NSD2: variants seen among roughly 807,000 people sequenced by gnomAD.
The protein encoded by NSD2 is histone-lysine N-methyltransferase NSD2.
In NSD2, 12 loss-of-function variants were observed where a neutral mutation model predicts 139.0. The observed-to-expected ratio is 0.09, with a 90% CI of 0.06 to 0.14. The LOEUF is 0.14. Among genes scored for constraint, NSD2 ranks in the 10% least tolerant of loss-of-function variants. NSD2 has a pLI of 1.00. For synonymous variants in NSD2, 669 were observed against 648.7 expected, an observed-to-expected ratio of 1.03 and a Z score of -0.48; for missense variants, 1,155 against 1,745.0, an observed-to-expected ratio of 0.66 and a Z score of 6.02.
Position 1,976,099 on chromosome 4 carries a change from G to A in NSD2, c.3622-376G>A, listed in dbSNP as rs1486452617. Among the ~76,000 whole-genome samples the A allele has an allele frequency of 1.3e-5, 2 of 152,172 alleles. No individual in the cohort carries two copies. Among genetic ancestry groups the A allele is most frequent in the Non-Finnish European group, 2.9e-5 (2 of 68,030 alleles). On this transcript the variant is annotated intron_variant, in intron 20 of 21. Transcript: ENST00000508803. The surrounding 1 kb of genome is among the most constrained non-coding windows in gnomAD (Gnocchi z 5.3). ...GTCACTGCCGCCCACCTGTGCCCAC[G>A]TTCCTGTGGAATTTCCTAATGAGGA...
rs982202916 is a variant in NSD2, at chr4:1,976,350, C to T, written c.3622-125C>T. The T allele has an allele frequency of 2.6e-5, 27 of 1,034,062 alleles. No homozygotes were observed. The highest frequency in any genetic ancestry group is 3.3e-5 in the Non-Finnish European group (23 of 700,222). 64.1% of individuals were successfully genotyped at this position (1,034,062 alleles called of 1,614,324 possible). On this transcript the variant is annotated intron_variant, in intron 20 of 21. Transcript: ENST00000508803. The surrounding 1 kb of genome is among the most constrained non-coding windows in gnomAD (Gnocchi z 5.3). Reference sequence around the variant, plus strand: ...AGCACGAGGAGGACACTCCTCTCCTCTCCTCTTAGTGTTGGGCACCTGCAG... The same window carrying T: ...AGCACGAGGAGGACACTCCTCTCCTTTCCTCTTAGTGTTGGGCACCTGCAG...
At chr4:1,928,045 A>G (rs891649512) in intron 5 of NSD2, among the ~76,000 whole-genome samples, 3 of 151,220 alleles carry the variant, frequency 2.0e-5, no homozygotes, top group Non-Finnish European at 4.4e-5. Flanking sequence ...ACTTGCCACC[A>G]TACCCAACTA....
At chr4:1,932,928 C>T (rs887891305) in intron 6 of NSD2, among the ~76,000 whole-genome samples, 1 of 152,200 alleles carries the variant, frequency 6.6e-6, no homozygotes, top group African/African-American at 2.4e-5. Context: ...TGCTCACGAA[C>T]GGGTGTTCTG....
chr4:1,906,443 G>A (rs1036424784), intron 3 of NSD2, among the ~76,000 whole-genome samples: 1 of 151,372 alleles, frequency 6.6e-6, no homozygotes, highest in African/African-American at 2.4e-5. Context: ...GTTTCACCAT[G>A]TTGCCCAGTT....
intron 3 of NSD2, among the ~76,000 whole-genome samples, chr4:1,907,330 T>C (rs1718054481): frequency 6.6e-6 from 1 of 152,200 alleles, no homozygotes; most frequent in Admixed American, 6.5e-5. Context: ...ACCTTCATGT[T>C]TGACCAGTTA....
At chr4:1,895,245 A>G (rs1265821048) in intron 1 of NSD2, among the ~76,000 whole-genome samples, 2 of 152,148 alleles carry the variant, frequency 1.3e-5, no homozygotes, top group African/African-American at 2.4e-5. Context: ...TGGTTGTACA[A>G]ATATCTTCTG....
intron 1 of NSD2, among the ~76,000 whole-genome samples, chr4:1,872,363 A>G (rs1713854337): frequency 6.6e-6 from 1 of 152,200 alleles, no homozygotes; most frequent in Non-Finnish European, 1.5e-5. Context: ...CTCCACTCAC[A>G]GGAACCGTGG....
At chr4:1,960,145 C>G (rs990935070) in intron 17 of NSD2, among the ~76,000 whole-genome samples, 4 of 152,218 alleles carry the variant, frequency 2.6e-5, no homozygotes, top group Non-Finnish European at 5.9e-5. Flanking sequence ...AGGCAAGAGC[C>G]TCTGTGCCTG....
chr4:1,968,771 T>C (rs575137846), intron 18 of NSD2, among the ~76,000 whole-genome samples: 5 of 152,250 alleles, frequency 3.3e-5, no homozygotes, highest in African/African-American at 9.6e-5. Flanking sequence ...TTTGTAGTTA[T>C]TGGGGTGGAG....
intron 1 of NSD2, chr4:1,899,452 G>A (rs993567461): frequency 2.6e-5 from 4 of 152,230 alleles, no homozygotes; most frequent in African/African-American, 9.7e-5. Context: ...GAGGTTAAGT[G>A]TCCCTGGGGA....
rs1723861859 is a variant in NSD2, at chr4:1,948,424, G to A, written c.1882-2648G>A. Reference sequence around the variant, plus strand: ...GTCACGTCACCTGGTGCGTGGAGGTGGAGCCTGCGGCTGGAGTAAGGCTTG... The same window carrying A: ...GTCACGTCACCTGGTGCGTGGAGGTAGAGCCTGCGGCTGGAGTAAGGCTTG... On this transcript the variant is annotated intron_variant, in intron 9 of 21. Transcript: ENST00000508803. This position sits in a 1 kb window ranked among gnomAD's most constrained non-coding sequence, Gnocchi z 4.5. 1 of 1,066,398 alleles carries A rather than the reference G, an allele frequency of 9.4e-7. No homozygotes were observed. Among genetic ancestry groups the A allele is most frequent in the Non-Finnish European group, 1.1e-6 (1 of 879,028 alleles). 66.1% of individuals were successfully genotyped at this position (1,066,398 alleles called of 1,614,324 possible). A position where few individuals can be genotyped will look rare whatever the true frequency, so the allele number is the denominator to read the frequency against.
intron 1 of NSD2, among the ~76,000 whole-genome samples, chr4:1,875,355 C>G (rs1577345183): frequency 6.7e-6 from 1 of 148,284 alleles, no homozygotes; most frequent in African/African-American, 2.5e-5. Context: ...GATCACGGCT[C>G]ATTGCAGCCT....
In NSD2 at chr4:1,948,473, C is replaced by G. The variant is rs879165856; in HGVS notation, c.1882-2599C>G. 6.6e-6 allele frequency: 7 copies of G among 1,065,320 alleles called. No homozygotes were observed. In the South Asian group the frequency reaches 2.7e-4, roughly 42 times the overall value. The allele number at this position is 1,065,320 out of a possible 1,614,324, so 66.0% of individuals were successfully genotyped here. On this transcript the variant is annotated intron_variant, in intron 9 of 21. Coordinates refer to ENST00000508803, the MANE Select transcript of NSD2 (RefSeq NM_001042424.3). This position sits in a 1 kb window ranked among gnomAD's most constrained non-coding sequence, Gnocchi z 4.5. ...TGCTGTGGGACGCCCTCGTACTTTG[C>G]TCTCCTTGCGGGTGGTTGCCGAGCC... is the stretch of plus-strand genomic sequence containing the variant.
chr4:1,963,203 A>G lies in NSD2; in HGVS notation c.3372+2052A>G, dbSNP rs144051014. 5.4e-3 allele frequency among the ~76,000 whole-genome samples: 826 copies of G among 152,336 alleles called. 4 individuals carry two copies. Among genetic ancestry groups the G allele is most frequent in the African/African-American group, 0.019 (794 of 41,574 alleles). On this transcript the variant is annotated intron_variant, in intron 18 of 21. Transcript: ENST00000508803. The stretch of plus-strand genomic sequence containing the variant: ...GGAGCAAAAAGGCAAGATGGGAAGC[A>G]GGTCCATAAGGGCGAGAGTGGGTTT...
chr4:1,909,373 G>A (rs1342909372), intron 3 of NSD2, among the ~76,000 whole-genome samples: 1 of 152,092 alleles, frequency 6.6e-6, no homozygotes, highest in Non-Finnish European at 1.5e-5. Flanking sequence ...ATTGCTCTGG[G>A]AGACAGAGTT....
intron 9 of NSD2, 175 bp downstream of exon 9, chr4:1,939,953 A>G (rs1722915951): frequency 6.8e-7 from 1 of 1,460,064 alleles, no homozygotes; most frequent in African/African-American, 1.4e-5. Context: ...CAAACAGTGC[A>G]CTATGTTAGT....
intron 16 of NSD2, 94 bp from the exon 17 acceptor site, chr4:1,959,377 C>G: frequency 6.7e-7 from 1 of 1,491,934 alleles, no homozygotes; most frequent in Non-Finnish European, 9.1e-7. Flanking sequence ...AAAAGGCCAC[C>G]TGGAGGCTGG....
intron 1 of NSD2, among the ~76,000 whole-genome samples, chr4:1,891,450 C>T (rs1461005119): frequency 6.6e-6 from 1 of 152,176 alleles, no homozygotes; most frequent in Non-Finnish European, 1.5e-5. Flanking sequence ...AGGGTTGAGA[C>T]CTCCTTCTGC....
rs1577414565 is a variant in NSD2, at chr4:1,910,775, T to C, written c.761-6096T>C. 2.6e-5 allele frequency among the ~76,000 whole-genome samples: 4 copies of C among 152,322 alleles called. No homozygotes were observed. The East Asian group carries it at 5.8e-4, about 22-fold the overall frequency. ...AGATGTGTTAAAATCTCCCATGGGA[T>C]TGTGGATTTGCTGTTTTTCTACTTG... On this transcript the variant is annotated intron_variant, in intron 3 of 21. Transcript: ENST00000508803.
Sources: gnomAD v4.1 joint callset for allele counts (sites outside exome capture counted in the v4.1 genomes callset) on GRCh38, gnomAD v4.1.1 for gene constraint, Gnocchi (gnomAD v3.1) non-coding constraint, MANE v1.5 for transcripts, NCBI Gene and HGNC (gene_info 2026-07-23, HGNC 2026-07-21) for gene names.